The following LZTFL1 variants were observed in gnomAD, a reference collection of about 807,000 sequenced individuals.
The protein encoded by LZTFL1 is leucine zipper transcription factor-like protein 1.
In LZTFL1, 25 loss-of-function variants were observed where a neutral mutation model predicts 45.9. The ratio of observed to expected loss-of-function variants is 0.54; its 90% CI spans 0.40 to 0.76. The LOEUF (loss-of-function observed/expected upper bound fraction) is 0.76, where lower values mean the gene tolerates loss of function less well. LZTFL1 is among the 30% of genes least tolerant of loss of function. The pLI is 0.00. For missense variants in LZTFL1, 277 were observed against 331.1 expected (o/e 0.84, Z 1.27); for synonymous variants, 93 against 117.4 (o/e 0.79, Z 1.35).
In LZTFL1 at chr3:45,825,275, G is replaced by A. The variant is rs571428990; in HGVS notation, c.*1039C>T. ...AAAAGTAAGGACTTTCCTTCTGAGG[G>A]ATTATTGCTTTATGGACTTGACTTT... On this transcript the variant is annotated 3_prime_UTR_variant, in exon 10 of 10. Transcript: ENST00000296135. 4 of 167,940 alleles carry A rather than the reference G, an allele frequency of 2.4e-5. No homozygotes were observed. 10.4% of individuals were successfully genotyped at this position (167,940 alleles called of 1,614,324 possible).
chr3:45,828,888 G>T (rs1248973517), intron 7 of LZTFL1, among the ~76,000 whole-genome samples: 1 of 152,050 alleles, frequency 6.6e-6, no homozygotes, highest in Non-Finnish European at 1.5e-5. Flanking sequence ...TGAACTGCTG[G>T]TATTTCCATC....
chr3:45,869,823 C>T (rs1343475618), intron 2 of LZTFL1, among the ~76,000 whole-genome samples: 3 of 152,202 alleles, frequency 2.0e-5, no homozygotes, highest in African/African-American at 7.2e-5. Context: ...CAAGATGACA[C>T]CCAAGATGAA....
At chr3:45,872,723 TG>T (rs1488432556) in intron 2 of LZTFL1, among the ~76,000 whole-genome samples, 5 of 152,214 alleles carry the variant, frequency 3.3e-5, no homozygotes, top group Non-Finnish European at 7.3e-5. Flanking sequence ...AACTTTTAAC[TG>T]GGGAGACAAC....
Position 45,842,091 on chromosome 3 carries a change from GA to G in LZTFL1, c.-101del. The G allele has an allele frequency of 6.4e-7, 1 of 1,569,086 alleles. No homozygotes were observed. Among genetic ancestry groups the G allele is most frequent in the Non-Finnish European group, 8.6e-7 (1 of 1,160,432 alleles). On this transcript the variant is annotated 5_prime_UTR_variant, in exon 1 of 10. Transcript: ENST00000296135. ...GGGTAGTTGGACCACAGAAAATGGGGAAGGAGGGTAGGTTGTTTAGAAGCCT... is the reference window on the plus strand; with the variant it reads ...GGGTAGTTGGACCACAGAAAATGGGGAGGAGGGTAGGTTGTTTAGAAGCCT...
Position 45,842,045 on chromosome 3 carries a change from C to T in LZTFL1, c.-54G>A, listed in dbSNP as rs1395008052. Reference sequence around the variant, plus strand: ...GAACGGGAGAGGCCAGGCGGTGCCCCGCCAAGCCTGGGATCGCCGAGGGTA... The same window carrying T: ...GAACGGGAGAGGCCAGGCGGTGCCCTGCCAAGCCTGGGATCGCCGAGGGTA... On this transcript the variant is annotated 5_prime_UTR_variant, in exon 1 of 10. Coordinates refer to ENST00000296135, the MANE Select transcript of LZTFL1 (RefSeq NM_020347.4). 6.2e-7 allele frequency: 1 copy of T among 1,603,688 alleles called. No homozygotes were observed. Among genetic ancestry groups the T allele is most frequent in the African/African-American group, 1.3e-5 (1 of 74,780 alleles).
intron 2 of LZTFL1, among the ~76,000 whole-genome samples, chr3:45,884,655 G>A: frequency 6.6e-6 from 1 of 152,064 alleles, no homozygotes; most frequent in East Asian, 1.9e-4. Flanking sequence ...TACCTTGTAT[G>A]CTCTTACCTG....
Position 45,900,704 on chromosome 3 carries a change from C to CAT in LZTFL1, c.-215+12414_-215+12415dup. ...AATGCCTATGTGTCTTTGGCCTTAT[C>CAT]ATAGGTGTTTGGGGTTGGAAGGGTC... is the stretch of plus-strand genomic sequence containing the variant. On this transcript the variant is annotated intron_variant, in intron 2 of 4. Transcript: ENST00000472635. The surrounding 1 kb of genome is among the most constrained non-coding windows in gnomAD (Gnocchi z 4.7). 1 of 1,134,982 alleles carries CAT rather than the reference C, an allele frequency of 8.8e-7. No individual in the cohort carries two copies. Among genetic ancestry groups the CAT allele is most frequent in the Non-Finnish European group, 1.3e-6 (1 of 796,696 alleles). The allele number at this position is 1,134,982 out of a possible 1,614,324, so 70.3% of individuals were successfully genotyped here. A position where few individuals can be genotyped will look rare whatever the true frequency, so the allele number is the denominator to read the frequency against.
chr3:45,885,185 CAG>C (rs992935537), intron 2 of LZTFL1, among the ~76,000 whole-genome samples: 2 of 152,162 alleles, frequency 1.3e-5, no homozygotes, highest in Admixed American at 1.3e-4. Context: ...CACGCCATGA[CAG>C]AGCGGCATTG....
chr3:45,840,686 G>A (rs1482759086), intron 1 of LZTFL1, among the ~76,000 whole-genome samples: 1 of 152,232 alleles, frequency 6.6e-6, no homozygotes, highest in Non-Finnish European at 1.5e-5. Flanking sequence ...CCAAGCTAGT[G>A]TCTTGAAATT....
chr3:45,904,730 AC>A (rs1202998599), intron 2 of LZTFL1, among the ~76,000 whole-genome samples: 1 of 152,154 alleles, frequency 6.6e-6, no homozygotes, highest in Non-Finnish European at 1.5e-5. Context: ...ATGAGTTGAC[AC>A]CTTTGGAGAC....
At chr3:45,913,105 A>G (rs1462830335) in intron 2 of LZTFL1, 1 of 1,535,832 alleles carries the variant, frequency 6.5e-7, no homozygotes. Context: ...TGTTCTGTAA[A>G]TGGTTCAGAC....
chr3:45,847,983 A>T (rs1701244662), intron 4 of LZTFL1, among the ~76,000 whole-genome samples: 1 of 152,206 alleles, frequency 6.6e-6, no homozygotes, highest in Non-Finnish European at 1.5e-5. Flanking sequence ...AGTTGGCAGA[A>T]GCTGCCAACT....
Position 45,902,002 on chromosome 3 carries a change from A to T in LZTFL1, c.-215+11118T>A, listed in dbSNP as rs1296940623. On this transcript the variant is annotated intron_variant, in intron 2 of 4. Transcript: ENST00000472635. ...GAGAGTGAAAGAGAAAAGAAAACTC[A>T]GAAAGGGATGAATCTGAACTATATG... 3 of 971,386 alleles carry T rather than the reference A, an allele frequency of 3.1e-6. No individual in the cohort carries two copies. The African/African-American group carries it at 4.9e-5, about 16-fold the overall frequency. 60.2% of individuals were successfully genotyped at this position (971,386 alleles called of 1,614,324 possible).
intron 2 of LZTFL1, among the ~76,000 whole-genome samples, chr3:45,888,839 T>C (rs1248707621): frequency 6.6e-6 from 1 of 152,218 alleles, no homozygotes; most frequent in Non-Finnish European, 1.5e-5. Context: ...GTGGAGGTTC[T>C]AGATGTGGGC....
chr3:45,909,069 C>T (rs1170781876), intron 2 of LZTFL1, among the ~76,000 whole-genome samples: 1 of 152,190 alleles, frequency 6.6e-6, no homozygotes, highest in Admixed American at 6.5e-5. Context: ...CTGTGCACTC[C>T]CTATGAGAAT....
chr3:45,850,859 C>G (rs1272955438), intron 4 of LZTFL1, among the ~76,000 whole-genome samples: 1 of 152,132 alleles, frequency 6.6e-6, no homozygotes, highest in Non-Finnish European at 1.5e-5. Context: ...TCTGCTGCTC[C>G]CTCTTCTCCA....
At chr3:45,897,539 T>G (rs1702396516) in intron 2 of LZTFL1, 2 of 1,505,308 alleles carry the variant, frequency 1.3e-6, no homozygotes, top group Non-Finnish European at 1.8e-6. Flanking sequence ...TCTGCACAAT[T>G]TCTCCCATTC....
intron 4 of LZTFL1, among the ~76,000 whole-genome samples, chr3:45,852,517 C>T (rs1306695331): frequency 1.3e-5 from 2 of 151,836 alleles, no homozygotes; most frequent in East Asian, 1.9e-4. Context: ...TCCATGTGCA[C>T]GGACATGGAA....
chr3:45,885,048 C>T (rs1701944029), intron 2 of LZTFL1, among the ~76,000 whole-genome samples: 1 of 152,140 alleles, frequency 6.6e-6, no homozygotes. Flanking sequence ...CTGTGCATGC[C>T]CTCTACCTTT....
Sources: gnomAD v4.1 joint callset for allele counts (sites outside exome capture counted in the v4.1 genomes callset) on GRCh38, gnomAD v4.1.1 for gene constraint, Gnocchi (gnomAD v3.1) non-coding constraint, MANE v1.5 for transcripts, NCBI Gene and HGNC (gene_info 2026-07-23, HGNC 2026-07-21) for gene names.